Variants in TNFAIP8 observed in about 807,000 individuals in gnomAD.
The protein encoded by TNFAIP8 is TNF alpha induced protein 8.
TNFAIP8 carries 7 observed loss-of-function variants against 13.3 expected under a neutral mutation model. The ratio of observed to expected loss-of-function variants is 0.52; its 90% CI spans 0.30 to 0.99. The LOEUF (loss-of-function observed/expected upper bound fraction) is 0.99, where lower values mean the gene tolerates loss of function less well. Among genes scored for constraint, TNFAIP8 ranks in the 50% least tolerant of loss-of-function variants. The pLI, the probability that TNFAIP8 is intolerant of heterozygous loss-of-function variation, is 0.07. For missense variants in TNFAIP8, 258 were observed against 236.9 expected (o/e 1.09, Z -0.58); for synonymous variants, 94 against 87.6 (o/e 1.07, Z -0.41).
At chr5:119,356,887 A>G (rs1368700233) in intron 1 of TNFAIP8, among the ~76,000 whole-genome samples, 1 of 152,098 alleles carries the variant, frequency 6.6e-6, no homozygotes, top group Non-Finnish European at 1.5e-5. Flanking sequence ...TATGTATACA[A>G]AAGTTCTCTT....
chr5:119,376,518 C>G (rs933398448), intron 1 of TNFAIP8, among the ~76,000 whole-genome samples: 1 of 152,040 alleles, frequency 6.6e-6, no homozygotes, highest in African/African-American at 2.4e-5. Context: ...TTTGTAGCCT[C>G]TTATTTCGGT....
At chr5:119,318,653 T>G (rs1749968750) in intron 1 of TNFAIP8, among the ~76,000 whole-genome samples, 1 of 8,978 alleles carries the variant, frequency 1.1e-4, no homozygotes, top group Admixed American at 6.6e-4. Context: ...GTTTTTCAGT[T>G]TTTTTTCTTC....
intron 1 of TNFAIP8, among the ~76,000 whole-genome samples, chr5:119,388,779 T>C (rs1752778049): frequency 6.6e-6 from 1 of 151,356 alleles, no homozygotes; most frequent in Non-Finnish European, 1.5e-5. Context: ...CCTGAGCAAA[T>C]AGGACTACAT....
At chr5:119,312,219 A>G (rs192726324) in intron 1 of TNFAIP8, among the ~76,000 whole-genome samples, 1 of 152,292 alleles carries the variant, frequency 6.6e-6, no homozygotes, top group East Asian at 1.9e-4. Context: ...TTGACACAGC[A>G]GTTTGAGCCA....
upstream of TNFAIP8, among the ~76,000 whole-genome samples, chr5:119,351,769 TTTTC>T (rs1751157288): frequency 6.6e-6 from 1 of 150,854 alleles, no homozygotes; most frequent in Non-Finnish European, 1.5e-5. Flanking sequence ...TTTCTTTTTC[TTTTC>T]TTTCTTTTCT....
chr5:119,280,414 A>G (rs1406552979), intron 1 of TNFAIP8, among the ~76,000 whole-genome samples: 1 of 147,662 alleles, frequency 6.8e-6, no homozygotes, highest in Non-Finnish European at 1.5e-5. Flanking sequence ...TTTTTTTTTA[A>G]TTTGTTGCAG....
At chr5:119,268,990 G>A in intron 1 of TNFAIP8, 1 of 632,488 alleles carries the variant, frequency 1.6e-6, no homozygotes, top group Non-Finnish European at 2.8e-6. Flanking sequence ...CTCTCGGGGA[G>A]CGCCTCCGGC....
At chr5:119,349,102 G>T (rs755926894) in intron 1 of TNFAIP8, among the ~76,000 whole-genome samples, 4 of 152,058 alleles carry the variant, frequency 2.6e-5, no homozygotes, top group African/African-American at 4.8e-5. Flanking sequence ...CTCTCATGCT[G>T]TTTCCATTTT....
chr5:119,298,327 G>C (rs1749245945), intron 1 of TNFAIP8, among the ~76,000 whole-genome samples: 1 of 151,994 alleles, frequency 6.6e-6, no homozygotes, highest in African/African-American at 2.4e-5. Flanking sequence ...CTCAGCATTT[G>C]CTTGTCTGTA....
At chr5:119,308,192 C>G (rs1488397378) in intron 1 of TNFAIP8, among the ~76,000 whole-genome samples, 1 of 152,092 alleles carries the variant, frequency 6.6e-6, no homozygotes, top group Non-Finnish European at 1.5e-5. Flanking sequence ...TAGTTGTGAA[C>G]TGATAGCGTT....
chr5:119,380,444 G>A (rs932581307), intron 1 of TNFAIP8, among the ~76,000 whole-genome samples: 23 of 152,228 alleles, frequency 1.5e-4, no homozygotes, highest in African/African-American at 5.5e-4. Context: ...TGGCAGGACG[G>A]GAGAATTTAG....
In TNFAIP8 at chr5:119,393,158, G is replaced by A. The variant is rs752199642; in HGVS notation, c.374G>A (p.Arg125Gln). ...SFHQVDYTFD[R>Q]NVLSRLLNEC... ...CATCAGGTGGATTATACCTTTGACC[G>A]GAATGTGTTATCCAGGCTGTTAAAT... The change falls in exon 2 of 2, where the codon CGG becomes CAG. Residue 125 changes from arginine to glutamine, a missense_variant. Arg to Gln is a conservative substitution (Grantham distance 43). Transcript: ENST00000504771. The A allele has an allele frequency of 2.5e-5, 40 of 1,613,850 alleles. No individual in the cohort carries two copies. The Admixed American group carries it at 4.0e-4, about 16-fold the overall frequency.
chr5:119,387,333 A>T (rs1464656894), intron 1 of TNFAIP8, among the ~76,000 whole-genome samples: 1 of 152,246 alleles, frequency 6.6e-6, no homozygotes, highest in Non-Finnish European at 1.5e-5. Context: ...GACAACAGCC[A>T]GACATGCTTT....
chr5:119,280,676 G>A (rs942658025), intron 1 of TNFAIP8, among the ~76,000 whole-genome samples: 7 of 152,292 alleles, frequency 4.6e-5, no homozygotes, highest in African/African-American at 1.7e-4. Context: ...GTCTCGATCT[G>A]TTAATTCAGT....
At chr5:119,353,686 AG>A (rs1751267319), upstream of TNFAIP8, among the ~76,000 whole-genome samples, 1 of 139,962 alleles carries the variant, frequency 7.1e-6, no homozygotes, top group Admixed American at 7.1e-5. Flanking sequence ...TTCATTCAGC[AG>A]TTGTAAAACA....
upstream of TNFAIP8, among the ~76,000 whole-genome samples, chr5:119,352,367 G>A (rs1288345950): frequency 6.6e-6 from 1 of 152,044 alleles, no homozygotes; most frequent in East Asian, 1.9e-4. Context: ...TACAAGAGAA[G>A]TTGAAGAAGG....
At chr5:119,324,113 A>C (rs1011897182) in intron 1 of TNFAIP8, among the ~76,000 whole-genome samples, 1 of 151,838 alleles carries the variant, frequency 6.6e-6, no homozygotes, top group Non-Finnish European at 1.5e-5. Flanking sequence ...CATCTCTACC[A>C]AAAATTCAAA....
intron 1 of TNFAIP8, among the ~76,000 whole-genome samples, chr5:119,289,486 T>C (rs1748916434): frequency 6.6e-6 from 1 of 152,234 alleles, no homozygotes; most frequent in Admixed American, 6.5e-5. Context: ...TGGAAACCTC[T>C]TTTAAAGATT....
At chr5:119,317,799 T>C (rs529334728) in intron 1 of TNFAIP8, among the ~76,000 whole-genome samples, 1 of 152,218 alleles carries the variant, frequency 6.6e-6, no homozygotes, top group Non-Finnish European at 1.5e-5. Context: ...GGTTTCACCA[T>C]GTTGGCCAGG....
Sources: gnomAD v4.1 joint callset for allele counts (sites outside exome capture counted in the v4.1 genomes callset) on GRCh38, gnomAD v4.1.1 for gene constraint, MANE v1.5 for transcripts, NCBI Gene and HGNC (gene_info 2026-07-23, HGNC 2026-07-21) for gene names.